The following FGF14 variants were observed in gnomAD, a reference collection of about 807,000 sequenced individuals.
FGF14 encodes the protein fibroblast growth factor 14, also known as fibroblast growth factor homologous factor 4.
Under a neutral mutation model 25.5 loss-of-function variants are expected in FGF14, and 5 were observed. The ratio of observed to expected loss-of-function variants is 0.20; its 90% confidence interval spans 0.10 to 0.41. The LOEUF (loss-of-function observed/expected upper bound fraction) is 0.41, where lower values mean the gene tolerates loss of function less well. Ranked by LOEUF, FGF14 falls within the 10% of genes least tolerant of loss-of-function variation. FGF14 has a pLI of 1.00. For synonymous variants in FGF14, 138 were observed against 118.3 expected (o/e 1.17, Z -1.08); for missense variants, 222 against 320.1 (o/e 0.69, Z 2.34).
rs1180526112 is a variant in FGF14 at position 101,967,908 on chromosome 13, T to C, written c.209-92612A>G. ...ACACTCCCAGGATAAAATGGGGTGATGGCTTGGACATGCTGGTAACAGAGG... is the reference window on the plus strand; with the variant it reads ...ACACTCCCAGGATAAAATGGGGTGACGGCTTGGACATGCTGGTAACAGAGG... On this transcript the variant is annotated intron_variant, in intron 1 of 4. Transcript: ENST00000376131. Among the ~76,000 whole-genome samples, 3 of 152,230 alleles carry C rather than the reference T, an allele frequency of 2.0e-5. No homozygotes were observed. The East Asian group carries it at 5.8e-4, about 29-fold the overall frequency.
At chr13:101,950,752 T>G (rs886539904) in intron 1 of FGF14, among the ~76,000 whole-genome samples, 1 of 7,836 alleles carries the variant, frequency 1.3e-4, no homozygotes, top group African/African-American at 2.4e-3. Flanking sequence ...CCTAATCATG[T>G]TTTTTTTTTT....
At chr13:102,296,071 G>A (rs984154271) in intron 1 of FGF14, among the ~76,000 whole-genome samples, 2 of 151,890 alleles carry the variant, frequency 1.3e-5, no homozygotes, top group Non-Finnish European at 2.9e-5. Flanking sequence ...CCTTTTGGAA[G>A]GTTAGAAAAC....
intron 1 of FGF14, among the ~76,000 whole-genome samples, chr13:102,341,066 A>C (rs1387689669): frequency 6.6e-6 from 1 of 152,184 alleles, no homozygotes; most frequent in East Asian, 1.9e-4. Flanking sequence ...AGGAGGTGCC[A>C]CTTTCACTGT....
At chr13:102,358,982 T>C (rs1402864748) in intron 1 of FGF14, among the ~76,000 whole-genome samples, 1 of 152,186 alleles carries the variant, frequency 6.6e-6, no homozygotes, top group Non-Finnish European at 1.5e-5. Context: ...TGGAATACTA[T>C]GCAGCCATAA....
intron 1 of FGF14, among the ~76,000 whole-genome samples, chr13:102,047,051 T>C (rs993060753): frequency 4.6e-5 from 7 of 152,154 alleles, no homozygotes; most frequent in Admixed American, 4.6e-4. Flanking sequence ...CATACAACTC[T>C]GGACAGGAAT....
At chr13:102,296,034 T>A (rs1012722320) in intron 1 of FGF14, among the ~76,000 whole-genome samples, 33 of 152,174 alleles carry the variant, frequency 2.2e-4, no homozygotes, top group African/African-American at 7.5e-4. Flanking sequence ...GAACTGAGTT[T>A]GCATTGTCAG....
chr13:102,193,235 CCTT>C (rs2049199655), intron 1 of FGF14, among the ~76,000 whole-genome samples: 2 of 152,140 alleles, frequency 1.3e-5, no homozygotes, highest in Admixed American at 6.6e-5. Flanking sequence ...TGGGAGCTCT[CCTT>C]CTCTCTGTGC....
chr13:101,762,639 A>G (rs1384948672), intron 3 of FGF14, among the ~76,000 whole-genome samples: 1 of 152,254 alleles, frequency 6.6e-6, no homozygotes, highest in African/African-American at 2.4e-5. Flanking sequence ...TAGCTGGCCC[A>G]TCGGCATTGC....
At chr13:102,161,563 TGTG>T (rs2047628750) in intron 1 of FGF14, among the ~76,000 whole-genome samples, 1 of 3,544 alleles carries the variant, frequency 2.8e-4, no homozygotes, top group African/African-American at 4.8e-3. Context: ...ACCAACTTTC[TGTG>T]AAGAAAGAAA....
intron 1 of FGF14, among the ~76,000 whole-genome samples, chr13:101,927,303 T>G (rs2034431629): frequency 6.6e-6 from 1 of 152,170 alleles, no homozygotes; most frequent in Non-Finnish European, 1.5e-5. Context: ...AGCAAATGAA[T>G]CTCTCCCCGA....
intron 1 of FGF14, among the ~76,000 whole-genome samples, chr13:102,092,971 G>A (rs1439317530): frequency 8.5e-5 from 13 of 152,130 alleles, no homozygotes; most frequent in Admixed American, 8.5e-4. Flanking sequence ...CTGAAGTTAG[G>A]GGAGAAAGTA....
At chr13:101,846,436 T>C (rs1212646739) in intron 3 of FGF14, among the ~76,000 whole-genome samples, 1 of 152,052 alleles carries the variant, frequency 6.6e-6, no homozygotes, top group Non-Finnish European at 1.5e-5. Context: ...ATAAACTGAC[T>C]CTCTGGAATG....
intron 3 of FGF14, among the ~76,000 whole-genome samples, chr13:101,860,653 T>G (rs970794437): frequency 1.3e-5 from 2 of 152,000 alleles, no homozygotes; most frequent in Non-Finnish European, 2.9e-5. Flanking sequence ...CGCAACTCAC[T>G]GCAGCCTGGA....
At chr13:102,064,178 T>G (rs896736454) in intron 1 of FGF14, among the ~76,000 whole-genome samples, 1 of 152,152 alleles carries the variant, frequency 6.6e-6, no homozygotes, top group African/African-American at 2.4e-5. Context: ...AGAAAAGAAC[T>G]AAGGTACCAC....
In FGF14 at chr13:101,997,936, T is replaced by C. The variant is rs555136853; in HGVS notation, c.209-122640A>G. Reference sequence around the variant, plus strand: ...CATGATGTTATGGGATACCTATAGATAGCAAAACAGTTACTACAGTGAAGC... The same window carrying C: ...CATGATGTTATGGGATACCTATAGACAGCAAAACAGTTACTACAGTGAAGC... On this transcript the variant is annotated intron_variant, in intron 1 of 4. Coordinates refer to the FGF14 transcript ENST00000376131. Among the ~76,000 whole-genome samples, 12 of 152,190 alleles carry C rather than the reference T, an allele frequency of 7.9e-5. 1 individual carries two copies. Among genetic ancestry groups the C allele is most frequent in the Non-Finnish European group, 1.6e-4 (11 of 68,034 alleles).
intron 3 of FGF14, among the ~76,000 whole-genome samples, chr13:101,786,007 C>T (rs1205516471): frequency 1.3e-5 from 2 of 152,182 alleles, no homozygotes; most frequent in African/African-American, 4.8e-5. Flanking sequence ...CTGGCATGCA[C>T]CCTGAGTCAG....
intron 1 of FGF14, chr13:102,002,746 C>T (rs1265593213): frequency 2.0e-5 from 3 of 152,230 alleles, no homozygotes; most frequent in Non-Finnish European, 4.4e-5. Context: ...AATATAACTG[C>T]TAAGATACCT....
intron 3 of FGF14, among the ~76,000 whole-genome samples, chr13:101,733,223 A>G (rs1178514453): frequency 6.6e-6 from 1 of 152,168 alleles, no homozygotes; most frequent in Non-Finnish European, 1.5e-5. Flanking sequence ...TTGGGCTGTG[A>G]CTAATGCCCA....
chr13:102,011,069 G>C (rs7991713), intron 1 of FGF14, among the ~76,000 whole-genome samples: 43,681 of 152,018 alleles, frequency 0.29, 7,192 homozygotes, highest in East Asian at 0.73. Context: ...CTTTATGAGA[G>C]GATGAGAGTC....
Sources: allele counts gnomAD v4.1 joint callset (sites outside exome capture counted in the v4.1 genomes callset), GRCh38; gene constraint gnomAD v4.1.1; transcripts MANE v1.5; gene names NCBI Gene and HGNC (gene_info 2026-07-23, HGNC 2026-07-21).